FERMT3: variants seen among roughly 807,000 people sequenced by gnomAD.
FERMT3 encodes FERM domain containing kindlin 3.
Under a neutral mutation model 80.8 loss-of-function variants are expected in FERMT3, and 33 were observed. That is an observed-to-expected ratio of 0.41 (90% CI 0.31 to 0.55). FERMT3 has a LOEUF of 0.55. Ranked by LOEUF, FERMT3 falls within the 20% of genes least tolerant of loss-of-function variation. The pLI is 0.31. For missense variants in FERMT3, 754 were observed against 908.7 expected, an observed-to-expected ratio of 0.83 and a Z score of 2.19; for synonymous variants, 375 against 372.2, an observed-to-expected ratio of 1.01 and a Z score of -0.09.
chr11:64,219,385 G>C lies in FERMT3; in HGVS notation c.894+27G>C, dbSNP rs1366357304. ...TACCAGGCGGGCCTGGGGGCACCAG[G>C]GCAGGTGGGAGGTGAGCCAGTCCCA... On this transcript the variant is annotated intron_variant, in intron 7 of 14. Transcript: ENST00000345728. The surrounding 1 kb of genome is among the most constrained non-coding windows in gnomAD (Gnocchi z 4.0). The C allele has an allele frequency of 3.2e-6, 5 of 1,575,802 alleles. No individual in the cohort carries two copies. Among genetic ancestry groups the C allele is most frequent in the Non-Finnish European group, 4.3e-6 (5 of 1,161,422 alleles).
intron 6 of FERMT3, among the ~76,000 whole-genome samples, chr11:64,214,547 A>G (rs935773025): frequency 1.3e-5 from 2 of 151,594 alleles, no homozygotes; most frequent in Non-Finnish European, 2.9e-5. Flanking sequence ...GGGTTTCACC[A>G]TGTTGGTCAG....
At position 64,210,784 on chromosome 11, in the gene FERMT3, C is replaced by A. The variant is rs747397824; in HGVS notation, c.334C>A (p.Leu112Ile). The change falls in exon 3 of 15, where the codon CTC becomes ATC. Residue 112 changes from leucine (L) to isoleucine (I), a missense_variant. Transcript: ENST00000345728. This position sits in a 1 kb window ranked among gnomAD's most constrained non-coding sequence, Gnocchi z 4.3. ...GTTGCCCAACCGCCGCGCACTGCGC[C>A]TCCGTGCCAGCTTCTCCCAGCCCCT... Reference protein sequence around the residue: ...LRLPNRRALRLRASFSQPLFQ... With the variant: ...LRLPNRRALRIRASFSQPLFQ... The A allele has an allele frequency of 3.1e-6, 5 of 1,613,936 alleles. No individual in the cohort carries two copies. Among genetic ancestry groups the A allele is most frequent in the Non-Finnish European group, 4.2e-6 (5 of 1,180,014 alleles).
At position 64,223,822 on chromosome 11, in the gene FERMT3, C is replaced by T; in HGVS notation, c.*330C>T. The T allele has an allele frequency of 3.9e-6, 5 of 1,272,120 alleles. No homozygotes were observed. Among genetic ancestry groups the T allele is most frequent in the Non-Finnish European group, 5.5e-6 (5 of 913,242 alleles). The allele number at this position is 1,272,120 out of a possible 1,614,324, so 78.8% of individuals were successfully genotyped here. A position where few individuals can be genotyped will look rare whatever the true frequency, so the allele number is the denominator to read the frequency against. On this transcript the variant is annotated 3_prime_UTR_variant, in exon 15 of 15. Transcript: ENST00000345728. ...GCTACAGGATGATGAAACATGGTTT[C>T]AAACGAGTTCTTTCTTGTTACTTTT...
In FERMT3 at chr11:64,219,561, G is replaced by A. The variant is rs746923279; in HGVS notation, c.932G>A (p.Gly311Glu). Reference protein sequence around the residue: ...INKLSQSGEVGEPAGTDPGLD... With the variant: ...INKLSQSGEVEEPAGTDPGLD... The stretch of plus-strand genomic sequence containing the variant: ...AAGCTGTCCCAGAGCGGGGAGGTGG[G>A]GGAGCCGGCTGGCACAGACCCAGGG... The change falls in exon 8 of 15, where the codon GGG becomes GAG. Residue 311 changes from glycine to glutamate, a missense_variant. Physicochemically the swap from Gly to Glu is moderately conservative, Grantham distance 98. Coordinates refer to ENST00000345728, the MANE Select transcript of FERMT3 (RefSeq NM_031471.6). The surrounding 1 kb of genome is among the most constrained non-coding windows in gnomAD (Gnocchi z 4.0). The A allele has an allele frequency of 6.2e-7, 1 of 1,611,808 alleles. No homozygotes were observed. The highest frequency in any genetic ancestry group is 8.5e-7 in the Non-Finnish European group (1 of 1,179,710).
At chr11:64,222,796 AAAG>A (rs1355806647) in intron 13 of FERMT3, among the ~76,000 whole-genome samples, 1 of 152,226 alleles carries the variant, frequency 6.6e-6, no homozygotes, top group Non-Finnish European at 1.5e-5. Flanking sequence ...AAAACCAAAA[AAAG>A]TTACCATTTA....
At chr11:64,220,749 C>T (rs2081855082) in intron 12 of FERMT3, 80 bp downstream of exon 12, 1 of 1,387,126 alleles carries the variant, frequency 7.2e-7, no homozygotes. Flanking sequence ...CAGAGCCTTC[C>T]TCAGGAAAGC....
At chr11:64,214,867 A>C (rs1442454747) in intron 6 of FERMT3, among the ~76,000 whole-genome samples, 1 of 146,444 alleles carries the variant, frequency 6.8e-6, no homozygotes, top group Non-Finnish European at 1.5e-5. Context: ...CAATGGCGTG[A>C]TCTCGGCCCA....
chr11:64,206,489 TGTTGAGTTTGCACTGAGCTTCCCTCCA>T (rs1946313511), upstream of FERMT3, among the ~76,000 whole-genome samples: 1 of 152,168 alleles, frequency 6.6e-6, no homozygotes, highest in Non-Finnish European at 1.5e-5. Context: ...CCGGGGGACT[TGTTGAGTTTGCACTGAGCTTCCCTCCA>T]AATGAGGAAG....
In FERMT3 at chr11:64,210,844, A is replaced by C; in HGVS notation, c.394A>C (p.Ser132Arg). ...TGTGGCTGCCATCTGCCGCCTCCTC[A>C]GTAAGTTGCCCGGCTGATTCCCCTG... is the stretch of plus-strand genomic sequence containing the variant. ...QAVAAICRLL[S>R]IRHPEELSLL... The change falls in exon 3 of 15, where the codon AGC becomes CGC. Residue 132 changes from serine to arginine, a missense_variant and splice_region_variant. Ser to Arg is a moderately radical substitution (Grantham distance 110). Coordinates refer to ENST00000345728, the MANE Select transcript of FERMT3 (RefSeq NM_031471.6). The surrounding 1 kb of genome is among the most constrained non-coding windows in gnomAD (Gnocchi z 4.3). The C allele has an allele frequency of 6.2e-7, 1 of 1,611,442 alleles. No individual in the cohort carries two copies. The highest frequency in any genetic ancestry group is 8.5e-7 in the Non-Finnish European group (1 of 1,179,950).
chr11:64,210,967 G>T lies in FERMT3; in HGVS notation c.395-85G>T. On this transcript the variant is annotated intron_variant, in intron 3 of 14. Transcript: ENST00000345728. The surrounding 1 kb of genome is among the most constrained non-coding windows in gnomAD (Gnocchi z 4.3). ...TCTGGGTTGCCACCCTGCCTGCAGG[G>T]CTGTGACCCGCCCCAAGCACCCATG... The T allele has an allele frequency of 5.6e-6, 9 of 1,607,024 alleles. No homozygotes were observed. The highest frequency in any genetic ancestry group is 7.6e-6 in the Non-Finnish European group (9 of 1,177,112).
Position 64,219,328 on chromosome 11 carries a change from G to A in FERMT3, c.864G>A (p.Glu288=). The A allele has an allele frequency of 6.2e-7, 1 of 1,607,686 alleles. No homozygotes were observed. ...DLLLEEIDCT[E]EEMMVFAALQ... ...TGCTGGAGGAGATTGACTGCACCGA[G>A]GAGGAGATGATGGTGTTTGCCGCCC... is the stretch of plus-strand genomic sequence containing the variant. Residue 288 remains glutamate (E), a synonymous_variant, in exon 7 of 15, where the codon GAG becomes GAA. Coordinates refer to ENST00000345728, the MANE Select transcript of FERMT3 (RefSeq NM_031471.6). The surrounding 1 kb of genome is among the most constrained non-coding windows in gnomAD (Gnocchi z 4.0).
In FERMT3 at chr11:64,210,605, C is replaced by T. The variant is rs114338405; in HGVS notation, c.161-6C>T. ...TTGGACCCAGATGTGCCCCCGTGCC[C>T]CACAGATCGCAAGCAGGACTGGTCA... On this transcript the variant is annotated splice_region_variant and splice_polypyrimidine_tract_variant and intron_variant, in intron 2 of 14. Coordinates refer to ENST00000345728, the MANE Select transcript of FERMT3 (RefSeq NM_031471.6). This position sits in a 1 kb window ranked among gnomAD's most constrained non-coding sequence, Gnocchi z 4.3. 3.1e-5 allele frequency: 50 copies of T among 1,613,440 alleles called. No individual in the cohort carries two copies. In the African/African-American group the frequency reaches 6.0e-4, roughly 19 times the overall value.
chr11:64,220,173 G>C (rs200053086), intron 10 of FERMT3, 47 bp from the exon 11 acceptor site: 2 of 1,591,646 alleles, frequency 1.3e-6, no homozygotes, highest in East Asian at 4.5e-5. Flanking sequence ...GACCTCAGGC[G>C]GCTCTTCCCC....
In FERMT3 at chr11:64,219,935, T is replaced by C. The variant is rs781707563; in HGVS notation, c.1124T>C (p.Val375Ala). 6.2e-7 allele frequency: 1 copy of C among 1,613,680 alleles called. No homozygotes were observed. Among genetic ancestry groups the C allele is most frequent in the Non-Finnish European group, 8.5e-7 (1 of 1,179,978 alleles). The stretch of plus-strand genomic sequence containing the variant: ...AAGGGCTACCGCCAACACTGGGTGG[T>C]GTTCAAGGAGACCACACTGTCCTAC... The part of the protein sequence containing the change: ...TLKGYRQHWV[V>A]FKETTLSYYK... Residue 375 changes from valine (V) to alanine (A), a missense_variant, in exon 10 of 15, where the codon GTG becomes GCG. Physicochemically the swap from Val to Ala is moderately conservative, Grantham distance 64. Coordinates refer to ENST00000345728, the MANE Select transcript of FERMT3 (RefSeq NM_031471.6). The surrounding 1 kb of genome is among the most constrained non-coding windows in gnomAD (Gnocchi z 4.0).
chr11:64,208,772 G>A (rs775263653), intron 2 of FERMT3, among the ~76,000 whole-genome samples: 6 of 152,154 alleles, frequency 3.9e-5, no homozygotes, highest in South Asian at 4.1e-4. Context: ...TAGGGCTCTC[G>A]GCTGGTGAGG....
At chr11:64,206,382 C>T (rs756430804), upstream of FERMT3, among the ~76,000 whole-genome samples, 14 of 152,226 alleles carry the variant, frequency 9.2e-5, no homozygotes, top group Non-Finnish European at 1.5e-4. Context: ...TCCGGCAGCC[C>T]AGTGATGTTT....
At position 64,211,657 on chromosome 11, in the gene FERMT3, G is replaced by A. The variant is rs372701358; in HGVS notation, c.696G>A (p.Ser232=). 1.4e-5 allele frequency: 23 copies of A among 1,613,900 alleles called. No individual in the cohort carries two copies. Among genetic ancestry groups the A allele is most frequent in the Non-Finnish European group, 1.9e-5 (23 of 1,180,018 alleles). ...KTQLHSRWLD[S]SRCLMQQGIK... ...TGCCGCGGCCCAGGTGGCTGGACTC[G>A]TCGCGGTGTCTCATGCAGCAGGGCA... The change falls in exon 6 of 15, where the codon TCG becomes TCA. Residue 232 remains serine, a synonymous_variant. Coordinates refer to ENST00000345728, the MANE Select transcript of FERMT3 (RefSeq NM_031471.6). This position sits in a 1 kb window ranked among gnomAD's most constrained non-coding sequence, Gnocchi z 4.7.
chr11:64,206,381 C>G (rs1029059837), upstream of FERMT3, among the ~76,000 whole-genome samples: 1 of 152,228 alleles, frequency 6.6e-6, no homozygotes, highest in African/African-American at 2.4e-5. Context: ...CTCCGGCAGC[C>G]CAGTGATGTT....
chr11:64,210,957 T>G lies in FERMT3; in HGVS notation c.395-95T>G, dbSNP rs1946422087. The G allele has an allele frequency of 6.2e-7, 1 of 1,607,214 alleles. No individual in the cohort carries two copies. Among genetic ancestry groups the G allele is most frequent in the African/African-American group, 1.3e-5 (1 of 74,814 alleles). On this transcript the variant is annotated intron_variant, in intron 3 of 14. Coordinates refer to ENST00000345728, the MANE Select transcript of FERMT3 (RefSeq NM_031471.6). The surrounding 1 kb of genome is among the most constrained non-coding windows in gnomAD (Gnocchi z 4.3). ...GTCCTTGCTGTCTGGGTTGCCACCC[T>G]GCCTGCAGGGCTGTGACCCGCCCCA... is the stretch of plus-strand genomic sequence containing the variant.
Sources: allele counts gnomAD v4.1 joint callset (sites outside exome capture counted in the v4.1 genomes callset), GRCh38; gene constraint gnomAD v4.1.1; non-coding constraint Gnocchi (gnomAD v3.1); transcripts MANE v1.5; gene names NCBI Gene and HGNC (gene_info 2026-07-23, HGNC 2026-07-21).